PBX1: variants seen among roughly 807,000 people sequenced by gnomAD.
PBX1 encodes pre-B-cell leukemia transcription factor 1.
In PBX1, 6 loss-of-function variants were observed where a neutral mutation model predicts 53.4. The ratio of observed to expected loss-of-function variants is 0.11; its 90% CI spans 0.06 to 0.22. PBX1 has a LOEUF of 0.22. Ranked by LOEUF, PBX1 falls within the 10% of genes least tolerant of loss-of-function variation. The pLI, the probability that PBX1 is intolerant of heterozygous loss-of-function variation, is 1.00. For synonymous variants in PBX1, 204 were observed against 212.3 expected (o/e 0.96, Z 0.34); for missense variants, 251 against 551.4 (o/e 0.46, Z 5.46).
rs147452249 is a variant in PBX1, at chr1:164,570,060, C to T, written c.265+6749C>T. Among the ~76,000 whole-genome samples, 59 of 152,242 alleles carry T rather than the reference C, an allele frequency of 3.9e-4. 1 individual carries two copies. In the East Asian group the frequency reaches 8.5e-3, roughly 22 times the overall value. ...CATATTAAGGATGGTGTTTTCTTAGCGTCAGCAACTGGAGGCATTGTGTAA... is the reference window on the plus strand; with the variant it reads ...CATATTAAGGATGGTGTTTTCTTAGTGTCAGCAACTGGAGGCATTGTGTAA... On this transcript the variant is annotated intron_variant, in intron 2 of 8. Transcript: ENST00000420696.
At position 164,848,314 on chromosome 1, in the gene PBX1, A is replaced by C; in HGVS notation, c.*1638A>C. 1 of 1,057,020 alleles carries C rather than the reference A, an allele frequency of 9.5e-7. No individual in the cohort carries two copies. Among genetic ancestry groups the C allele is most frequent in the Non-Finnish European group, 1.1e-6 (1 of 874,150 alleles). 65.5% of individuals were successfully genotyped at this position (1,057,020 alleles called of 1,614,324 possible). The stretch of plus-strand genomic sequence containing the variant: ...AAGATGGCAGCTCTATCACTTGATT[A>C]AGTGGGAGGTGGTCAAATATTTTGG... On this transcript the variant is annotated 3_prime_UTR_variant, in exon 9 of 9. Transcript: ENST00000420696.
chr1:164,820,239 C>G (rs1236288170), intron 7 of PBX1, 55 bp downstream of exon 7: 2 of 981,334 alleles, frequency 2.0e-6, no homozygotes, highest in Non-Finnish European at 3.3e-6. Flanking sequence ...CAAGAGCCCT[C>G]AGTTGTATTG....
At chr1:164,741,957 T>C (rs1665639127) in intron 2 of PBX1, among the ~76,000 whole-genome samples, 1 of 152,038 alleles carries the variant, frequency 6.6e-6, no homozygotes, top group African/African-American at 2.4e-5. Context: ...TACTATATTC[T>C]ATCTGGAAAA....
At chr1:164,730,692 C>T (rs1257585650) in intron 2 of PBX1, among the ~76,000 whole-genome samples, 1 of 152,184 alleles carries the variant, frequency 6.6e-6, no homozygotes, top group African/African-American at 2.4e-5. Context: ...CTCCAAGATT[C>T]ACAACCCAGG....
chr1:164,821,411 C>A, intron 7 of PBX1, 126 bp from the exon 8 acceptor site: 1 of 731,488 alleles, frequency 1.4e-6, no homozygotes, highest in Non-Finnish European at 2.5e-6. Context: ...TCTCCCAGGA[C>A]AACTGTCTCC....
At chr1:164,646,098 G>T (rs1659438519) in intron 2 of PBX1, among the ~76,000 whole-genome samples, 1 of 152,186 alleles carries the variant, frequency 6.6e-6, no homozygotes, top group Non-Finnish European at 1.5e-5. Flanking sequence ...AATCTGAAGG[G>T]ATTTTATTTT....
Position 164,559,339 on chromosome 1 carries a change from G to A in PBX1, c.-484G>A, listed in dbSNP as rs1174865565. On this transcript the variant is annotated 5_prime_UTR_variant, in exon 1 of 9. Coordinates refer to ENST00000420696, the MANE Select transcript of PBX1 (RefSeq NM_002585.4). ...ACTCTGGCCCGGAGTGGGGGTGGGG[G>A]GCAGCGGGGGGTGGGGGGGGAAAGT... is the stretch of plus-strand genomic sequence containing the variant. 4.7e-5 allele frequency: 9 copies of A among 192,544 alleles called. No homozygotes were observed. The highest frequency in any genetic ancestry group is 1.1e-5 in the Non-Finnish European group (1 of 93,286). The allele number at this position is 192,544 out of a possible 1,614,324, so 11.9% of individuals were successfully genotyped here. A position where few individuals can be genotyped will look rare whatever the true frequency, so the allele number is the denominator to read the frequency against.
intron 2 of PBX1, among the ~76,000 whole-genome samples, chr1:164,772,240 C>T (rs186830606): frequency 5.9e-5 from 9 of 152,256 alleles, no homozygotes; most frequent in African/African-American, 1.4e-4. Context: ...AATTCTTTGC[C>T]GTTAGATCTT....
chr1:164,626,206 G>T, intron 2 of PBX1: 1 of 565,870 alleles, frequency 1.8e-6, no homozygotes, highest in East Asian at 8.1e-5. Context: ...GCTGTTGAGG[G>T]AACCACACAT....
At chr1:164,649,621 A>G (rs1659670416) in intron 2 of PBX1, among the ~76,000 whole-genome samples, 1 of 152,096 alleles carries the variant, frequency 6.6e-6, no homozygotes, top group African/African-American at 2.4e-5. Context: ...AAGCATAAGG[A>G]GCTCCCAGTC....
intron 2 of PBX1, among the ~76,000 whole-genome samples, chr1:164,742,771 C>T (rs1665680733): frequency 6.6e-6 from 1 of 152,128 alleles, no homozygotes; most frequent in African/African-American, 2.4e-5. Context: ...CCAAAAAAGA[C>T]CACATGAAGA....
rs150537043 is a variant in PBX1 at position 164,679,131 on chromosome 1, C to T, written c.266-113363C>T. Among the ~76,000 whole-genome samples, 1,210 of 152,318 alleles carry T rather than the reference C, an allele frequency of 7.9e-3. 8 individuals are homozygous for T. The highest frequency in any genetic ancestry group is 0.012 in the Non-Finnish European group (842 of 68,028). On this transcript the variant is annotated intron_variant, in intron 2 of 8. Transcript: ENST00000420696. ...ATACTCATTCTTCCCCTAAACGTTA[C>T]ATAGGTTTTTATACTCTTAATTAAC...
At chr1:164,707,535 C>T (rs1208180033) in intron 2 of PBX1, among the ~76,000 whole-genome samples, 1 of 151,736 alleles carries the variant, frequency 6.6e-6, no homozygotes, top group Non-Finnish European at 1.5e-5. Flanking sequence ...GAATTCACTC[C>T]AGCTACATAG....
intron 2 of PBX1, among the ~76,000 whole-genome samples, chr1:164,711,571 C>CT (rs1288807326): frequency 6.6e-6 from 1 of 152,206 alleles, no homozygotes; most frequent in Non-Finnish European, 1.5e-5. Flanking sequence ...CTAGTTTTCT[C>CT]TTTTTGTCGT....
At chr1:164,661,122 G>A (rs2101946904) in intron 2 of PBX1, among the ~76,000 whole-genome samples, 1 of 152,284 alleles carries the variant, frequency 6.6e-6, no homozygotes, top group African/African-American at 2.4e-5. Flanking sequence ...CTTTTACTAT[G>A]TTTTTCTCTG....
chr1:164,694,809 A>G (rs1264579989), intron 2 of PBX1, among the ~76,000 whole-genome samples: 1 of 152,184 alleles, frequency 6.6e-6, no homozygotes, highest in African/African-American at 2.4e-5. Flanking sequence ...AAAACTAAAC[A>G]CATTCTAACT....
chr1:164,691,632 G>C (rs1181018623), intron 2 of PBX1, among the ~76,000 whole-genome samples: 1 of 152,184 alleles, frequency 6.6e-6, no homozygotes, highest in Admixed American at 6.5e-5. Context: ...AGAGCAGAGA[G>C]CTTGCAGGCA....
chr1:164,848,618 GGATAAAGA>G lies in PBX1; in HGVS notation c.*1943_*1950del. The G allele has an allele frequency of 3.6e-5, 38 of 1,056,952 alleles. No homozygotes were observed. Among genetic ancestry groups the G allele is most frequent in the Non-Finnish European group, 4.2e-5 (37 of 874,148 alleles). The allele number at this position is 1,056,952 out of a possible 1,614,324, so 65.5% of individuals were successfully genotyped here. A position where few individuals can be genotyped will look rare whatever the true frequency, so the allele number is the denominator to read the frequency against. On this transcript the variant is annotated 3_prime_UTR_variant, in exon 9 of 9. Coordinates refer to ENST00000420696, the MANE Select transcript of PBX1 (RefSeq NM_002585.4). ...TGGTTTTGGTCTGTCTCTTTTCTTA[GGATAAAGA>G]AAAACTTCCAAACTAGAAAAACAGG...
chr1:164,696,780 G>T (rs1662821567), intron 2 of PBX1, among the ~76,000 whole-genome samples: 1 of 152,118 alleles, frequency 6.6e-6, no homozygotes, highest in Admixed American at 6.5e-5. Context: ...GACTTTCATA[G>T]GATAGCGCTG....
Sources: allele counts gnomAD v4.1 joint callset (sites outside exome capture counted in the v4.1 genomes callset), GRCh38; gene constraint gnomAD v4.1.1; transcripts MANE v1.5; gene names NCBI Gene and HGNC (gene_info 2026-07-23, HGNC 2026-07-21).